Variants in ARHGAP39 observed in about 807,000 individuals in gnomAD.
ARHGAP39 encodes Rho GTPase activating protein 39.
A neutral mutation model predicts 106.9 loss-of-function variants in ARHGAP39; 44 were observed. That is an observed-to-expected ratio of 0.41 (90% confidence interval 0.32 to 0.53). The LOEUF (loss-of-function observed/expected upper bound fraction) is 0.53, where lower values mean the gene tolerates loss of function less well. ARHGAP39 is among the 20% of genes least tolerant of loss of function. ARHGAP39 has a pLI of 0.21. For missense variants in ARHGAP39, 1,496 were observed against 1,577.3 expected (o/e 0.95, Z 0.87); for synonymous variants, 768 against 693.2 (o/e 1.11, Z -1.69).
At chr8:144,583,056 C>G (rs1005984639) in intron 2 of ARHGAP39, among the ~76,000 whole-genome samples, 3 of 152,172 alleles carry the variant, frequency 2.0e-5, no homozygotes, top group African/African-American at 7.2e-5. Context: ...GTCCACCGTC[C>G]AGCAAACCAC....
chr8:144,637,709 CTCT>C (rs1313204947), intron 1 of ARHGAP39, among the ~76,000 whole-genome samples: 1 of 152,060 alleles, frequency 6.6e-6, no homozygotes, highest in Non-Finnish European at 1.5e-5. Flanking sequence ...CTCTCTCTCT[CTCT>C]TTTTTTTTTA....
the ARHGAP39 span, among the ~76,000 whole-genome samples, chr8:144,692,201 T>C: frequency 1.5e-4 from 23 of 152,028 alleles, no homozygotes; most frequent in Non-Finnish European, 2.5e-4. Flanking sequence ...CCCCTCCCTC[T>C]CTCTGTCTCC....
chr8:144,607,928 G>A (rs1290578957), intron 1 of ARHGAP39, among the ~76,000 whole-genome samples: 9 of 152,220 alleles, frequency 5.9e-5, no homozygotes, highest in East Asian at 3.9e-4. Flanking sequence ...AGGCCGAGGC[G>A]GGTGGATCAT....
At chr8:144,626,906 G>A (rs1333277456) in intron 1 of ARHGAP39, among the ~76,000 whole-genome samples, 1 of 152,230 alleles carries the variant, frequency 6.6e-6, no homozygotes, top group Non-Finnish European at 1.5e-5. Flanking sequence ...GCACTGAGGT[G>A]GGACAACAGC....
chr8:144,614,796 C>T (rs1478777043), intron 1 of ARHGAP39, among the ~76,000 whole-genome samples: 1 of 152,220 alleles, frequency 6.6e-6, no homozygotes, highest in African/African-American at 2.4e-5. Context: ...ACCACATGCC[C>T]TGTGAGTTAT....
At chr8:144,567,663 G>C (rs1818448244) in intron 3 of ARHGAP39, among the ~76,000 whole-genome samples, 1 of 152,206 alleles carries the variant, frequency 6.6e-6, no homozygotes, top group Non-Finnish European at 1.5e-5. Flanking sequence ...CTGTACACCT[G>C]GCTCTGCCTT....
At chr8:144,545,877 C>T (rs1168675145) in intron 5 of ARHGAP39, 67 bp from the exon 6 acceptor site, 3 of 1,366,642 alleles carry the variant, frequency 2.2e-6, no homozygotes, top group African/African-American at 1.5e-5. Context: ...GCCCACTGGG[C>T]CACAGTCCCC....
At chr8:144,537,913 G>T (rs1164216590) in intron 6 of ARHGAP39, 100 bp from the exon 7 acceptor site, 8 of 1,027,140 alleles carry the variant, frequency 7.8e-6, no homozygotes, top group African/African-American at 1.6e-5. Flanking sequence ...CCCTGGGCCT[G>T]TTGGGGGCTC....
rs989618534 is a variant in ARHGAP39, at chr8:144,645,700, C to T, written c.-82+39986G>A. Among the ~76,000 whole-genome samples the T allele has an allele frequency of 3.9e-5, 6 of 152,258 alleles. No individual in the cohort carries two copies. The highest frequency in any genetic ancestry group is 1.2e-4 in the African/African-American group (5 of 41,472). On this transcript the variant is annotated intron_variant, in intron 1 of 11. Transcript: ENST00000377307. The surrounding 1 kb of genome is among the most constrained non-coding windows in gnomAD (Gnocchi z 4.4). ...ATTCTTATCCTCTAGAAAAAACCAT[C>T]CCCAAACCCAGACGTGCTCTCAGGA... is the stretch of plus-strand genomic sequence containing the variant.
At chr8:144,624,318 A>C (rs1367980276) in intron 1 of ARHGAP39, among the ~76,000 whole-genome samples, 1 of 150,948 alleles carries the variant, frequency 6.6e-6, no homozygotes, top group African/African-American at 2.4e-5. Context: ...TTAAATATAT[A>C]AAATAATCAT....
upstream of ARHGAP39, among the ~76,000 whole-genome samples, chr8:144,689,513 T>A (rs1484802009): frequency 7.3e-6 from 1 of 137,696 alleles, no homozygotes; most frequent in East Asian, 2.4e-4. Flanking sequence ...CTTGGCTCAC[T>A]GCAACTTCTG....
Position 144,586,965 on chromosome 8 carries a change from A to C in ARHGAP39, c.81-5688T>G, listed in dbSNP as rs1209671810. 6.6e-6 allele frequency among the ~76,000 whole-genome samples: 1 copy of C among 152,178 alleles called. No homozygotes were observed. The highest frequency in any genetic ancestry group is 1.5e-5 in the Non-Finnish European group (1 of 68,014). Reference sequence around the variant, plus strand: ...TAGTGGGAGGGAACAAGTGGAGGTAACTGAATCATGGGGGTGGCCTCCCCC... The same window carrying C: ...TAGTGGGAGGGAACAAGTGGAGGTACCTGAATCATGGGGGTGGCCTCCCCC... On this transcript the variant is annotated intron_variant, in intron 2 of 11. Transcript: ENST00000377307. This position sits in a 1 kb window ranked among gnomAD's most constrained non-coding sequence, Gnocchi z 4.2.
chr8:144,601,201 C>G (rs1436195701), intron 2 of ARHGAP39, among the ~76,000 whole-genome samples: 11 of 117,534 alleles, frequency 9.4e-5, no homozygotes, highest in African/African-American at 3.7e-4. Flanking sequence ...TACCTGTGTG[C>G]ATGTGCGTGG....
rs1283353848 is a variant in ARHGAP39 at position 144,630,676 on chromosome 8, T to C, written c.-81-24981A>G. Among the ~76,000 whole-genome samples the C allele has an allele frequency of 1.8e-4, 27 of 152,162 alleles. 1 individual carries two copies. Among genetic ancestry groups the C allele is most frequent in the Admixed American group, 1.8e-3 (27 of 15,286 alleles). On this transcript the variant is annotated intron_variant, in intron 1 of 11. Coordinates refer to ENST00000377307, the MANE Select transcript of ARHGAP39 (RefSeq NM_025251.3). ...AACCCCATGTGACAGTGTTAAGAGG[T>C]GGCACCACTAACCCCACCCCAGGGG...
chr8:144,626,598 G>A (rs1321012175), intron 1 of ARHGAP39, among the ~76,000 whole-genome samples: 4 of 144,738 alleles, frequency 2.8e-5, no homozygotes, highest in African/African-American at 5.1e-5. Context: ...CCCCTGTCCC[G>A]GCGGCCCCGT....
chr8:144,688,486 G>A (rs1305301255), upstream of ARHGAP39, among the ~76,000 whole-genome samples: 4 of 152,342 alleles, frequency 2.6e-5, no homozygotes, highest in Non-Finnish European at 4.4e-5. Context: ...GTGGCTCACA[G>A]CTGTAATCCC....
rs185953028 is a variant in ARHGAP39, at chr8:144,573,031, G to C, written c.512+7815C>G. ...ACTGTAAACTAGTTCAACCATTGTG[G>C]AAGACAGTGTGGCAATTCGTCAAGG... On this transcript the variant is annotated intron_variant, in intron 3 of 11. Transcript: ENST00000377307. Among the ~76,000 whole-genome samples the C allele has an allele frequency of 1.3e-3, 195 of 152,324 alleles. 1 individual carries two copies. Among genetic ancestry groups the C allele is most frequent in the African/African-American group, 4.5e-3 (187 of 41,572 alleles).
intron 8 of ARHGAP39, 40 bp from the exon 9 acceptor site, chr8:144,533,365 T>C: frequency 6.3e-7 from 1 of 1,585,648 alleles, no homozygotes; most frequent in Non-Finnish European, 8.6e-7. Context: ...GGCCTGGCCA[T>C]CCTCAGGACC....
chr8:144,530,533 G>A lies in ARHGAP39; in HGVS notation c.3234C>T (p.Arg1078=). ...LAMVMAPNCL[R]CQSDDPRVIF... ...TGACGCGCGGGTCGTCGGACTGGCA[G>A]CGCAAGCAGTTGGGCGCCATCACCA... The change falls in exon 12 of 12, where the codon CGC becomes CGT. Residue 1078 remains arginine (R), a synonymous_variant. Coordinates refer to ENST00000377307, the MANE Select transcript of ARHGAP39 (RefSeq NM_025251.3). 1 of 1,612,050 alleles carries A rather than the reference G, an allele frequency of 6.2e-7. No individual in the cohort carries two copies. The highest frequency in any genetic ancestry group is 1.3e-5 in the African/African-American group (1 of 75,022).
Sources: gnomAD v4.1 joint callset for allele counts (sites outside exome capture counted in the v4.1 genomes callset) on GRCh38, gnomAD v4.1.1 for gene constraint, Gnocchi (gnomAD v3.1) non-coding constraint, MANE v1.5 for transcripts, NCBI Gene and HGNC (gene_info 2026-07-23, HGNC 2026-07-21) for gene names.